The following N4BP2L2 variants were observed in gnomAD, a reference collection of about 807,000 sequenced individuals.
N4BP2L2 encodes the protein NEDD4 binding protein 2 like 2.
In N4BP2L2, 50 loss-of-function variants were observed where a neutral mutation model predicts 56.2. The observed-to-expected ratio is 0.89, with a 90% confidence interval of 0.71 to 1.13. The LOEUF (loss-of-function observed/expected upper bound fraction) is 1.13, where lower values mean the gene tolerates loss of function less well. Among genes scored for constraint, N4BP2L2 ranks in the 50% most tolerant of loss-of-function variants. The probability of loss-of-function intolerance (pLI) is 0.00; values close to 1 mark genes in which losing one functional copy is unlikely to be tolerated. For missense variants in N4BP2L2, 689 were observed against 693.8 expected, an observed-to-expected ratio of 0.99 and a Z score of 0.08; for synonymous variants, 203 against 223.6, an observed-to-expected ratio of 0.91 and a Z score of 0.82.
intron 6 of N4BP2L2, among the ~76,000 whole-genome samples, chr13:32,501,822 G>C (rs1264695736): frequency 6.6e-6 from 1 of 151,046 alleles, no homozygotes; most frequent in East Asian, 1.9e-4. Flanking sequence ...CTCTGTGAGA[G>C]ATAGGGAGAC....
intron 6 of N4BP2L2, among the ~76,000 whole-genome samples, chr13:32,450,594 G>T (rs935720319): frequency 1.3e-5 from 2 of 151,634 alleles, no homozygotes; most frequent in African/African-American, 4.8e-5. Flanking sequence ...AAAGTGCTGG[G>T]ATTAGAGGCG....
intron 6 of N4BP2L2, among the ~76,000 whole-genome samples, chr13:32,493,680 C>A (rs936510384): frequency 6.6e-6 from 1 of 152,128 alleles, no homozygotes; most frequent in Non-Finnish European, 1.5e-5. Flanking sequence ...TATTTTCAAT[C>A]ATGTTTCACA....
intron 6 of N4BP2L2, among the ~76,000 whole-genome samples, chr13:32,494,721 G>A (rs138564796): frequency 8.1e-4 from 123 of 152,240 alleles, no homozygotes; most frequent in African/African-American, 2.7e-3. Context: ...AGCCAAGATC[G>A]CGCCACTGCA....
chr13:32,482,547 G>A (rs1008124388), intron 6 of N4BP2L2, among the ~76,000 whole-genome samples: 10 of 149,024 alleles, frequency 6.7e-5, no homozygotes, highest in Non-Finnish European at 1.5e-5. Flanking sequence ...TGTATTTTTA[G>A]TAGAGACAGA....
At chr13:32,490,304 G>GTTTT (rs919426392) in intron 6 of N4BP2L2, among the ~76,000 whole-genome samples, 10 of 151,834 alleles carry the variant, frequency 6.6e-5, no homozygotes, top group African/African-American at 2.4e-4. Context: ...TTGTTTTTTT[G>GTTTT]TTTGTTTGTT....
At chr13:32,438,234 C>A (rs2075747150) in intron 8 of N4BP2L2, among the ~76,000 whole-genome samples, 1 of 152,142 alleles carries the variant, frequency 6.6e-6, no homozygotes, top group South Asian at 2.1e-4. Context: ...ATAGCTTGTA[C>A]AATGGAATAA....
chr13:32,475,236 G>C (rs2083077472), intron 6 of N4BP2L2, among the ~76,000 whole-genome samples: 1 of 152,230 alleles, frequency 6.6e-6, no homozygotes, highest in Admixed American at 6.5e-5. Flanking sequence ...GTGGCTTACT[G>C]AAACAGCTCC....
At chr13:32,437,426 C>T (rs545764372) in intron 8 of N4BP2L2, among the ~76,000 whole-genome samples, 8 of 152,300 alleles carry the variant, frequency 5.3e-5, no homozygotes, top group African/African-American at 1.9e-4. Flanking sequence ...TTTGATTTTA[C>T]TATTCACTTC....
chr13:32,439,912 C>T (rs867666671), intron 7 of N4BP2L2, among the ~76,000 whole-genome samples: 1 of 149,852 alleles, frequency 6.7e-6, no homozygotes, highest in Non-Finnish European at 1.5e-5. Flanking sequence ...TGTAATCCCA[C>T]CTACTTGGGA....
chr13:32,501,642 G>A (rs980711725), intron 6 of N4BP2L2, among the ~76,000 whole-genome samples: 3 of 151,900 alleles, frequency 2.0e-5, no homozygotes, highest in Admixed American at 6.6e-5. Context: ...GTGAAACCCC[G>A]TCTCTACTAA....
intron 6 of N4BP2L2, among the ~76,000 whole-genome samples, chr13:32,483,577 C>T (rs965456101): frequency 6.6e-6 from 1 of 152,196 alleles, no homozygotes; most frequent in Non-Finnish European, 1.5e-5. Context: ...AAGACAGGAA[C>T]ATGGCAGATG....
At chr13:32,517,201 T>C (rs1325607405) in exon 6 of N4BP2L2, 6 of 985,460 alleles carry the variant, frequency 6.1e-6, no homozygotes, top group Admixed American at 6.1e-5. Context: ...AAGATGAATA[T>C]GCATATTATG....
At chr13:32,536,181 G>A (rs750335162) in exon 2 of N4BP2L2, 4 of 1,614,012 alleles carry the variant, frequency 2.5e-6, no homozygotes, top group Admixed American at 3.3e-5. Flanking sequence ...TTCAAACTGG[G>A]AAGAGGGGGA....
chr13:32,529,379 G>C (rs908192762), intron 2 of N4BP2L2, among the ~76,000 whole-genome samples: 1 of 152,128 alleles, frequency 6.6e-6, no homozygotes, highest in African/African-American at 2.4e-5. Flanking sequence ...TAAATTAATG[G>C]GTTGGGTTGT....
At chr13:32,454,489 C>A (rs971184743) in intron 6 of N4BP2L2, among the ~76,000 whole-genome samples, 2 of 151,924 alleles carry the variant, frequency 1.3e-5, no homozygotes, top group Admixed American at 1.3e-4. Flanking sequence ...TTTCACAAAA[C>A]CTATGAGACA....
downstream of N4BP2L2, among the ~76,000 whole-genome samples, chr13:32,509,938 A>G (rs2091511192): frequency 6.6e-6 from 1 of 152,182 alleles, no homozygotes; most frequent in African/African-American, 2.4e-5. Flanking sequence ...TAAGTTGACT[A>G]AAACAAAATA....
intron 3 of N4BP2L2, chr13:32,524,086 CAGTT>C (rs2051905231): frequency 6.6e-6 from 1 of 152,142 alleles, no homozygotes; most frequent in Middle Eastern, 3.2e-3. Context: ...TGCTAAAGGT[CAGTT>C]AGAATAATCA....
intron 6 of N4BP2L2, among the ~76,000 whole-genome samples, chr13:32,458,054 G>T (rs2079285792): frequency 6.6e-6 from 1 of 151,834 alleles, no homozygotes; most frequent in Non-Finnish European, 1.5e-5. Flanking sequence ...GTTTTGTTTT[G>T]TTTTTTGTTT....
At chr13:32,452,876 A>G (rs749800892) in intron 6 of N4BP2L2, among the ~76,000 whole-genome samples, 2 of 152,234 alleles carry the variant, frequency 1.3e-5, no homozygotes, top group Non-Finnish European at 1.5e-5. Context: ...TCAACATTGT[A>G]TAGTCCCTCT....
Sources: allele counts gnomAD v4.1 joint callset (sites outside exome capture counted in the v4.1 genomes callset), GRCh38; gene constraint gnomAD v4.1.1; transcripts MANE v1.5; gene names NCBI Gene and HGNC (gene_info 2026-07-23, HGNC 2026-07-21).